Variants in PRKG1 observed in about 807,000 individuals in gnomAD.
PRKG1 encodes protein kinase cGMP-dependent 1, also known as cGMP-dependent protein kinase 1.
Under a neutral mutation model 88.1 loss-of-function variants are expected in PRKG1, and 35 were observed. That is an observed-to-expected ratio of 0.40 (90% CI 0.30 to 0.53). PRKG1 has a LOEUF of 0.53. Among genes scored for constraint, PRKG1 ranks in the 20% least tolerant of loss-of-function variants. The probability of loss-of-function intolerance (pLI) is 0.59; values close to 1 mark genes in which losing one functional copy is unlikely to be tolerated. For missense variants in PRKG1, 540 were observed against 839.8 expected (o/e 0.64, Z 4.41); for synonymous variants, 303 against 292.5 (o/e 1.04, Z -0.37).
At chr10:51,962,741 C>T (rs1843476594) in intron 5 of PRKG1, among the ~76,000 whole-genome samples, 1 of 152,174 alleles carries the variant, frequency 6.6e-6, no homozygotes. Flanking sequence ...GGTCTAGGCA[C>T]ATGTAGCTCC....
At chr10:52,099,218 C>T (rs1847241590) in intron 7 of PRKG1, among the ~76,000 whole-genome samples, 1 of 151,842 alleles carries the variant, frequency 6.6e-6, no homozygotes, top group Non-Finnish European at 1.5e-5. Context: ...TATTGGCTTT[C>T]ACTTGTGGCT....
In PRKG1 at chr10:51,177,940, T is replaced by A. The variant is rs976068820; in HGVS notation, c.478+24610T>A. Among the ~76,000 whole-genome samples, 4 of 152,042 alleles carry A rather than the reference T, an allele frequency of 2.6e-5. No homozygotes were observed. In the East Asian group the frequency reaches 7.7e-4, roughly 29 times the overall value. On this transcript the variant is annotated intron_variant, in intron 2 of 17. Coordinates refer to ENST00000373980, the MANE Select transcript of PRKG1 (RefSeq NM_006258.4). ...GCCCACAACCATCAAAAATTTACTGTGTAAGAAAAGTAAAAAATGTTGTAA... is the reference window on the plus strand; with the variant it reads ...GCCCACAACCATCAAAAATTTACTGAGTAAGAAAAGTAAAAAATGTTGTAA...
At chr10:51,761,246 TG>T (rs1281780100) in intron 3 of PRKG1, among the ~76,000 whole-genome samples, 2 of 152,264 alleles carry the variant, frequency 1.3e-5, no homozygotes, top group Non-Finnish European at 2.9e-5. Context: ...TTAATTAGAT[TG>T]TTTTTTAACT....
chr10:51,516,153 T>A (rs1208300358), intron 3 of PRKG1, among the ~76,000 whole-genome samples: 1 of 152,080 alleles, frequency 6.6e-6, no homozygotes. Context: ...ATTTTATTGA[T>A]CTGTGAAAGT....
intron 5 of PRKG1, among the ~76,000 whole-genome samples, chr10:51,940,735 A>G (rs1331741644): frequency 4.6e-5 from 7 of 151,894 alleles, no homozygotes; most frequent in Middle Eastern, 3.4e-3. Context: ...CAACTTTGCC[A>G]TGTTATTACT....
chr10:51,156,052 A>G (rs189056813), intron 2 of PRKG1, among the ~76,000 whole-genome samples: 12 of 152,034 alleles, frequency 7.9e-5, no homozygotes, highest in Admixed American at 5.9e-4. Flanking sequence ...AAAGACAAGA[A>G]CAAGGTCATA....
At chr10:52,154,026 T>A (rs1838015858) in intron 8 of PRKG1, among the ~76,000 whole-genome samples, 1 of 152,134 alleles carries the variant, frequency 6.6e-6, no homozygotes. Context: ...ATTGCAGGCG[T>A]GAGCCACTGT....
At chr10:51,290,687 C>A (rs1840560953) in intron 2 of PRKG1, among the ~76,000 whole-genome samples, 1 of 151,952 alleles carries the variant, frequency 6.6e-6, no homozygotes, top group Admixed American at 6.6e-5. Flanking sequence ...CTTAGGCCAC[C>A]CCACCCCGGT....
At chr10:52,086,164 A>T (rs556304039) in intron 7 of PRKG1, among the ~76,000 whole-genome samples, 14 of 152,214 alleles carry the variant, frequency 9.2e-5, no homozygotes, top group African/African-American at 2.9e-4. Context: ...TCCAAAAAAA[A>T]GTTTACTCAG....
intron 5 of PRKG1, among the ~76,000 whole-genome samples, chr10:52,039,471 T>C (rs137992683): frequency 0.024 from 3,632 of 152,236 alleles, 129 homozygotes; most frequent in African/African-American, 0.081. Context: ...TTCACTTCTT[T>C]TGTGATTCTT....
In PRKG1 at chr10:51,787,387, C is replaced by T. The variant is rs568191090; in HGVS notation, c.593-17198C>T. 1.5e-3 allele frequency among the ~76,000 whole-genome samples: 226 copies of T among 152,154 alleles called. 1 individual carries two copies. Among genetic ancestry groups the T allele is most frequent in the Non-Finnish European group, 2.7e-3 (181 of 67,968 alleles). ...CCCCTTCATGGGCTTGAGACAGAGA[C>T]CAGATTCAATCTAGTCTAAGCAACA... On this transcript the variant is annotated intron_variant, in intron 3 of 17. Coordinates refer to ENST00000373980, the MANE Select transcript of PRKG1 (RefSeq NM_006258.4).
chr10:52,141,035 TG>T (rs1462947219), intron 8 of PRKG1, among the ~76,000 whole-genome samples: 1 of 152,160 alleles, frequency 6.6e-6, no homozygotes, highest in Non-Finnish European at 1.5e-5. Context: ...TCTAGGGTGA[TG>T]TGAGGATATT....
intron 3 of PRKG1, among the ~76,000 whole-genome samples, chr10:51,652,650 A>G (rs1326433416): frequency 6.6e-6 from 1 of 152,200 alleles, no homozygotes; most frequent in Non-Finnish European, 1.5e-5. Flanking sequence ...TTTATAGGAT[A>G]CAAAGTAATG....
At chr10:51,978,441 T>TTTTC (rs1006242028) in intron 5 of PRKG1, among the ~76,000 whole-genome samples, 3 of 150,920 alleles carry the variant, frequency 2.0e-5, no homozygotes, top group African/African-American at 7.3e-5. Flanking sequence ...GGGCTCTTTT[T>TTTTC]TTTTTTTTTT....
At chr10:52,020,883 C>T (rs1845166327) in intron 5 of PRKG1, among the ~76,000 whole-genome samples, 2 of 152,096 alleles carry the variant, frequency 1.3e-5, no homozygotes, top group South Asian at 2.1e-4. Flanking sequence ...CTCCCTTGTT[C>T]CTGCATTCAA....
rs72795158 is a variant in PRKG1, at chr10:51,543,593, G to A, written c.592+75757G>A. 5.5e-3 allele frequency among the ~76,000 whole-genome samples: 843 copies of A among 152,304 alleles called. 7 individuals carry two copies. Among genetic ancestry groups the A allele is most frequent in the Non-Finnish European group, 8.3e-3 (565 of 68,028 alleles). On this transcript the variant is annotated intron_variant, in intron 3 of 17. Transcript: ENST00000373980. Reference sequence around the variant, plus strand: ...GCAGATGGCAGCAAAGCTAAAAGCAGCAGCCACCAGTTGTGCAGAATGTGC... The same window carrying A: ...GCAGATGGCAGCAAAGCTAAAAGCAACAGCCACCAGTTGTGCAGAATGTGC...
chr10:51,358,934 T>TGG (rs56324062), intron 2 of PRKG1, among the ~76,000 whole-genome samples: 129 of 134,304 alleles, frequency 9.6e-4, no homozygotes, highest in African/African-American at 2.9e-3. Context: ...CGTTATTTAT[T>TGG]GGGGGGGGGG....
intron 2 of PRKG1, among the ~76,000 whole-genome samples, chr10:51,453,727 C>T (rs1208207925): frequency 6.6e-6 from 1 of 151,756 alleles, no homozygotes; most frequent in African/African-American, 2.4e-5. Flanking sequence ...TGTGACCTAT[C>T]CTATGGTCCA....
intron 2 of PRKG1, among the ~76,000 whole-genome samples, chr10:51,338,494 G>A (rs1239224196): frequency 6.6e-6 from 1 of 152,152 alleles, no homozygotes; most frequent in African/African-American, 2.4e-5. Context: ...GAGGGAGGAA[G>A]TGGAAATGGA....
Sources: gnomAD v4.1 joint callset for allele counts (sites outside exome capture counted in the v4.1 genomes callset) on GRCh38, gnomAD v4.1.1 for gene constraint, MANE v1.5 for transcripts, NCBI Gene and HGNC (gene_info 2026-07-23, HGNC 2026-07-21) for gene names.